Variants in ANK3 observed in about 807,000 individuals in gnomAD.
The protein encoded by ANK3 is ankyrin-3.
A neutral mutation model predicts 370.9 loss-of-function variants in ANK3; 57 were observed. That is an observed-to-expected ratio of 0.15 (90% confidence interval 0.12 to 0.19). ANK3 has a LOEUF of 0.19. Among genes scored for constraint, ANK3 ranks in the 10% least tolerant of loss-of-function variants. The probability of loss-of-function intolerance (pLI) is 1.00; values close to 1 mark genes in which losing one functional copy is unlikely to be tolerated. For missense variants in ANK3, 4,439 were observed against 5,302.1 expected, an observed-to-expected ratio of 0.84 and a Z score of 5.06; for synonymous variants, 1,929 against 1,946.3, an observed-to-expected ratio of 0.99 and a Z score of 0.23.
At chr10:60,058,443 TA>T in intron 41 of ANK3, among the ~76,000 whole-genome samples, 1 of 152,332 alleles carries the variant, frequency 6.6e-6, no homozygotes, top group Admixed American at 6.5e-5. Flanking sequence ...TTATTTGGTG[TA>T]AAAAACTGTG....
At chr10:60,391,778 C>T (rs2063114956), upstream of ANK3, among the ~76,000 whole-genome samples, 3 of 152,256 alleles carry the variant, frequency 2.0e-5, no homozygotes, top group South Asian at 6.2e-4. Context: ...GGAAAATAAG[C>T]CACAGGTATT....
chr10:60,226,550 CTATAGTA>C (rs2097160244), intron 8 of ANK3, among the ~76,000 whole-genome samples: 1 of 10,378 alleles, frequency 9.6e-5, no homozygotes, highest in Non-Finnish European at 1.7e-4. Context: ...AGTATATATA[CTATAGTA>C]TATATACATA....
chr10:60,574,742 T>C (rs558140884), intron 2 of ANK3, among the ~76,000 whole-genome samples: 41 of 152,282 alleles, frequency 2.7e-4, no homozygotes, highest in Admixed American at 2.2e-3. Flanking sequence ...TTTATACAAA[T>C]TCTTCATAAG....
chr10:60,258,853 C>A (rs111352354), intron 7 of ANK3, among the ~76,000 whole-genome samples: 1 of 152,194 alleles, frequency 6.6e-6, no homozygotes, highest in African/African-American at 2.4e-5. Flanking sequence ...TTGCAGCCCC[C>A]CAAGACAAAG....
At chr10:60,674,325 G>A (rs746512239) in intron 1 of ANK3, among the ~76,000 whole-genome samples, 22 of 152,252 alleles carry the variant, frequency 1.4e-4, no homozygotes, top group African/African-American at 4.6e-4. Context: ...TCTGCAGGCT[G>A]TACAGGAAGC....
chr10:60,156,694 T>C (rs2095339140), intron 23 of ANK3, among the ~76,000 whole-genome samples: 1 of 151,928 alleles, frequency 6.6e-6, no homozygotes, highest in Admixed American at 6.6e-5. Flanking sequence ...TATCAAGGAG[T>C]CTGTAAGAGT....
intron 18 of ANK3, among the ~76,000 whole-genome samples, chr10:60,177,111 C>T (rs1027664797): frequency 6.6e-6 from 1 of 152,174 alleles, no homozygotes; most frequent in Non-Finnish European, 1.5e-5. Context: ...ATCTGAAACA[C>T]CTTGACAGTT....
In ANK3 at chr10:60,186,515, G is replaced by A. The variant is rs968170798; in HGVS notation, c.2085+200C>T. 3.0e-5 allele frequency: 20 copies of A among 658,762 alleles called. No individual in the cohort carries two copies. In the East Asian group the frequency reaches 3.4e-4, roughly 11 times the overall value. 40.8% of individuals were successfully genotyped at this position (658,762 alleles called of 1,614,324 possible). On this transcript the variant is annotated intron_variant, in intron 17 of 43. Transcript: ENST00000280772. ...AAATGCCTGAGCCAGAGCAACTGGC[G>A]CATTGACCATTTTTCTTATTGTTTA...
intron 1 of ANK3, among the ~76,000 whole-genome samples, chr10:60,627,133 A>G (rs1346958310): frequency 6.6e-6 from 1 of 152,160 alleles, no homozygotes; most frequent in Non-Finnish European, 1.5e-5. Context: ...ACATCAGAAA[A>G]GAAACAAGAT....
chr10:60,526,522 T>C (rs1399619605), intron 2 of ANK3, among the ~76,000 whole-genome samples: 1 of 152,130 alleles, frequency 6.6e-6, no homozygotes, highest in Non-Finnish European at 1.5e-5. Flanking sequence ...CAGATCGTTG[T>C]GACAAAACAG....
chr10:60,047,471 A>C (rs1480130274), intron 42 of ANK3, among the ~76,000 whole-genome samples: 1 of 152,252 alleles, frequency 6.6e-6, no homozygotes, highest in Non-Finnish European at 1.5e-5. Context: ...TACAAAAAGC[A>C]AATACTAAGC....
At chr10:60,531,213 G>C (rs1266394509) in intron 2 of ANK3, among the ~76,000 whole-genome samples, 3 of 151,960 alleles carry the variant, frequency 2.0e-5, no homozygotes, top group Non-Finnish European at 4.4e-5. Flanking sequence ...TAGATTATGA[G>C]ACAATCATGC....
chr10:60,348,785 T>C (rs188837676), intron 1 of ANK3, among the ~76,000 whole-genome samples: 2 of 152,322 alleles, frequency 1.3e-5, no homozygotes, highest in East Asian at 3.9e-4. Flanking sequence ...AAGAAATCAA[T>C]TTATAGTAGT....
chr10:60,129,380 C>G (rs1239137936), intron 25 of ANK3, among the ~76,000 whole-genome samples: 1 of 152,184 alleles, frequency 6.6e-6, no homozygotes, highest in Non-Finnish European at 1.5e-5. Context: ...GGCTTTCAAC[C>G]TTGGGTTCAT....
chr10:60,320,832 C>T (rs2048474364), intron 1 of ANK3, among the ~76,000 whole-genome samples: 2 of 152,078 alleles, frequency 1.3e-5, no homozygotes, highest in South Asian at 4.1e-4. Context: ...AATACAATCC[C>T]TCCCTTCTCC....
chr10:60,091,056 C>A (rs1416204489), intron 28 of ANK3, among the ~76,000 whole-genome samples: 2 of 152,200 alleles, frequency 1.3e-5, no homozygotes, highest in African/African-American at 4.8e-5. Context: ...AGGCACACGC[C>A]ACCACGCCCA....
chr10:60,677,852 T>C (rs1448526048), intron 1 of ANK3, among the ~76,000 whole-genome samples: 1 of 151,974 alleles, frequency 6.6e-6, no homozygotes, highest in East Asian at 1.9e-4. Context: ...CTACTAGCTT[T>C]TCCTTACATG....
rs531252390 is a variant in ANK3 at position 60,679,582 on chromosome 10, G to A, written c.57+53681C>T. Among the ~76,000 whole-genome samples the A allele has an allele frequency of 7.9e-5, 12 of 152,234 alleles. No individual in the cohort carries two copies. The South Asian group carries it at 1.5e-3, about 18-fold the overall frequency. ...AAAAATGCCTCAAACGAGCATGTGC[G>A]CAGTTTGGTAAACACACTGCACATG... On this transcript the variant is annotated intron_variant, in intron 1 of 43. Coordinates refer to the ANK3 transcript ENST00000373827.
intron 1 of ANK3, among the ~76,000 whole-genome samples, chr10:60,297,831 A>G (rs545785818): frequency 4.6e-5 from 7 of 152,156 alleles, no homozygotes; most frequent in Non-Finnish European, 1.0e-4. Flanking sequence ...ATTTCAAAAC[A>G]AACACTATAA....
Sources: gnomAD v4.1 joint callset for allele counts (sites outside exome capture counted in the v4.1 genomes callset) on GRCh38, gnomAD v4.1.1 for gene constraint, MANE v1.5 for transcripts, NCBI Gene and HGNC (gene_info 2026-07-23, HGNC 2026-07-21) for gene names.